Variants in GPC6 observed in about 807,000 individuals in gnomAD.
GPC6 encodes the protein glypican 6.
In GPC6, 14 loss-of-function variants were observed where a neutral mutation model predicts 55.2. The ratio of observed to expected loss-of-function variants is 0.25; its 90% CI spans 0.17 to 0.40. GPC6 has a LOEUF of 0.40. Ranked by LOEUF, GPC6 falls within the 10% of genes least tolerant of loss-of-function variation. GPC6 has a pLI of 1.00. For synonymous variants in GPC6, 278 were observed against 259.6 expected, an observed-to-expected ratio of 1.07 and a Z score of -0.68; for missense variants, 641 against 708.5, an observed-to-expected ratio of 0.90 and a Z score of 1.08.
chr13:93,539,555 G>A (rs1178424659), intron 1 of GPC6, among the ~76,000 whole-genome samples: 4 of 152,150 alleles, frequency 2.6e-5, no homozygotes, highest in African/African-American at 9.7e-5. Context: ...TCAGAAAGCA[G>A]AGTTAATTCT....
intron 2 of GPC6, among the ~76,000 whole-genome samples, chr13:93,678,820 A>G (rs2138762247): frequency 6.6e-6 from 1 of 152,166 alleles, no homozygotes; most frequent in African/African-American, 2.4e-5. Flanking sequence ...TAACTGCTGA[A>G]CATGTCAGAA....
intron 2 of GPC6, among the ~76,000 whole-genome samples, chr13:93,678,556 A>T (rs1010665469): frequency 1.3e-5 from 2 of 152,164 alleles, no homozygotes; most frequent in African/African-American, 2.4e-5. Context: ...ATCTGGCAAC[A>T]CTTAAACCTA....
chr13:93,887,459 C>A (rs1002761330), intron 3 of GPC6, among the ~76,000 whole-genome samples: 17 of 151,766 alleles, frequency 1.1e-4, no homozygotes, highest in Non-Finnish European at 5.9e-5. Context: ...GAGATAACAC[C>A]CACTAGAATT....
intron 4 of GPC6, among the ~76,000 whole-genome samples, chr13:94,163,061 T>G (rs982894058): frequency 1.1e-4 from 16 of 152,210 alleles, no homozygotes; most frequent in Non-Finnish European, 2.2e-4. Context: ...CAAATAAATT[T>G]AAGATGATCT....
chr13:94,091,773 G>C (rs566291090), intron 4 of GPC6, among the ~76,000 whole-genome samples: 13 of 152,084 alleles, frequency 8.5e-5, no homozygotes, highest in African/African-American at 2.9e-4. Flanking sequence ...GGGATCATCA[G>C]TTTTAACTGG....
intron 4 of GPC6, among the ~76,000 whole-genome samples, chr13:94,264,102 C>G (rs1891725469): frequency 6.6e-6 from 1 of 152,170 alleles, no homozygotes; most frequent in South Asian, 2.1e-4. Flanking sequence ...TCATTGATCT[C>G]CCACATACCC....
At chr13:93,357,690 C>T (rs1880899541) in intron 1 of GPC6, among the ~76,000 whole-genome samples, 1 of 152,150 alleles carries the variant, frequency 6.6e-6, no homozygotes, top group Non-Finnish European at 1.5e-5. Flanking sequence ...AAAAAAATAG[C>T]CAAACATGGT....
chr13:93,687,170 G>T (rs982726955), intron 2 of GPC6, among the ~76,000 whole-genome samples: 1 of 151,978 alleles, frequency 6.6e-6, no homozygotes, highest in Admixed American at 6.6e-5. Context: ...ATAAATGCTT[G>T]TCTAATGTGT....
At chr13:94,204,862 T>A (rs995201740) in intron 4 of GPC6, among the ~76,000 whole-genome samples, 1 of 152,230 alleles carries the variant, frequency 6.6e-6, no homozygotes, top group Non-Finnish European at 1.5e-5. Context: ...TGAATCTTTC[T>A]TTAATAAACA....
At chr13:93,750,535 G>GT (rs556238828) in intron 2 of GPC6, among the ~76,000 whole-genome samples, 155 of 152,158 alleles carry the variant, frequency 1.0e-3, no homozygotes, top group African/African-American at 3.7e-3. Flanking sequence ...CAGATCTGTG[G>GT]TAAAATATCT....
At chr13:94,337,138 C>T (rs1200331836) in intron 6 of GPC6, among the ~76,000 whole-genome samples, 1 of 152,140 alleles carries the variant, frequency 6.6e-6, no homozygotes, top group Non-Finnish European at 1.5e-5. Context: ...AACACATTTG[C>T]CCTCATTTCT....
intron 2 of GPC6, among the ~76,000 whole-genome samples, chr13:93,697,497 T>C (rs1021760626): frequency 1.3e-5 from 2 of 152,202 alleles, no homozygotes; most frequent in African/African-American, 4.8e-5. Flanking sequence ...CTCCCACTAA[T>C]GTGAACTTTC....
At chr13:94,377,620 T>C (rs1879944979) in intron 6 of GPC6, among the ~76,000 whole-genome samples, 1 of 150,916 alleles carries the variant, frequency 6.6e-6, no homozygotes, top group Non-Finnish European at 1.5e-5. Context: ...AGTTCAACCA[T>C]TGTGGAAGTC....
chr13:93,675,354 T>C (rs1226262886), intron 2 of GPC6, among the ~76,000 whole-genome samples: 2 of 152,048 alleles, frequency 1.3e-5, no homozygotes, highest in African/African-American at 4.8e-5. Flanking sequence ...ATAGTTTTAA[T>C]AGTTGACTTA....
intron 3 of GPC6, among the ~76,000 whole-genome samples, chr13:93,847,744 G>T (rs1286828851): frequency 6.6e-6 from 1 of 151,964 alleles, no homozygotes; most frequent in Non-Finnish European, 1.5e-5. Flanking sequence ...TTATGGAATT[G>T]ATACTTTCAC....
chr13:93,945,519 T>C (rs1878964650), intron 3 of GPC6, among the ~76,000 whole-genome samples: 1 of 152,206 alleles, frequency 6.6e-6, no homozygotes, highest in African/African-American at 2.4e-5. Context: ...GCAGGACATC[T>C]TACGTGGTGA....
At chr13:93,818,727 G>A (rs1314317595) in intron 2 of GPC6, 2 of 152,160 alleles carry the variant, frequency 1.3e-5, no homozygotes, top group African/African-American at 4.8e-5. Flanking sequence ...CTCACATACT[G>A]TTGATACTCT....
intron 1 of GPC6, among the ~76,000 whole-genome samples, chr13:93,535,569 A>G (rs1882026674): frequency 6.6e-6 from 1 of 151,560 alleles, no homozygotes; most frequent in African/African-American, 2.4e-5. Flanking sequence ...ATTGCATTAA[A>G]CTCTCACATG....
intron 1 of GPC6, among the ~76,000 whole-genome samples, chr13:93,320,235 A>G (rs566594048): frequency 1.3e-5 from 2 of 152,256 alleles, no homozygotes; most frequent in Non-Finnish European, 1.5e-5. Flanking sequence ...AAAAAGTGAA[A>G]TTTTATATTT....
Sources: allele counts gnomAD v4.1 joint callset (sites outside exome capture counted in the v4.1 genomes callset), GRCh38; gene constraint gnomAD v4.1.1; transcripts MANE v1.5; gene names NCBI Gene and HGNC (gene_info 2026-07-23, HGNC 2026-07-21).